The following NUAK1 variants were observed in gnomAD, a reference collection of about 807,000 sequenced individuals.
NUAK1 encodes NUAK family SNF1-like kinase 1.
A neutral mutation model predicts 56.9 loss-of-function variants in NUAK1; 26 were observed. The ratio of observed to expected loss-of-function variants is 0.46; its 90% CI spans 0.33 to 0.63. NUAK1 has a LOEUF of 0.63. NUAK1 is among the 30% of genes least tolerant of loss of function. The pLI, the probability that NUAK1 is intolerant of heterozygous loss-of-function variation, is 0.02. For missense variants in NUAK1, 727 were observed against 876.1 expected (o/e 0.83, Z 2.15); for synonymous variants, 337 against 336.0 (o/e 1.00, Z -0.03).
At chr12:106,073,705 C>A (rs778301798) in intron 4 of NUAK1, among the ~76,000 whole-genome samples, 7 of 152,034 alleles carry the variant, frequency 4.6e-5, no homozygotes, top group African/African-American at 7.2e-5. Context: ...GTAATCTCAG[C>A]TACTCGGGAG....
intron 6 of NUAK1, among the ~76,000 whole-genome samples, chr12:106,068,605 T>A (rs1160222293): frequency 6.6e-6 from 1 of 152,238 alleles, no homozygotes; most frequent in African/African-American, 2.4e-5. Context: ...TCTACTGAGC[T>A]ATCAGATCAG....
rs536423988 is a variant in NUAK1 at position 106,066,947 on chromosome 12, T to C, written c.1841A>G (p.Glu614Gly). Residue 614 changes from glutamate (E) to glycine (G), a missense_variant, in exon 7 of 7, where the codon GAG becomes GGG. Coordinates refer to ENST00000261402, the MANE Select transcript of NUAK1 (RefSeq NM_014840.3). ...AENFLQIQDFEGLQNRPRPQY... is the reference protein window; with the variant it reads ...AENFLQIQDFGGLQNRPRPQY... ...GGGCCGGGGCCGGTTCTGGAGCCCC[T>C]CAAAGTCCTGGATCTGGAGGAAGTT... 6.2e-7 allele frequency: 1 copy of C among 1,614,158 alleles called. No individual in the cohort carries two copies. The highest frequency in any genetic ancestry group is 8.5e-7 in the Non-Finnish European group (1 of 1,180,022).
At chr12:106,114,860 TG>T (rs2032900528) in intron 1 of NUAK1, among the ~76,000 whole-genome samples, 1 of 152,142 alleles carries the variant, frequency 6.6e-6, no homozygotes, top group African/African-American at 2.4e-5. Context: ...TAAACCGAGA[TG>T]GGAGTGGCAG....
chr12:106,071,838 T>C (rs1413469803), intron 5 of NUAK1, among the ~76,000 whole-genome samples: 3 of 152,164 alleles, frequency 2.0e-5, no homozygotes, highest in African/African-American at 7.2e-5. Flanking sequence ...TAATAGATGG[T>C]CTTGGCATCC....
chr12:106,122,218 G>A (rs1021673246), intron 1 of NUAK1, among the ~76,000 whole-genome samples: 1 of 152,148 alleles, frequency 6.6e-6, no homozygotes, highest in Non-Finnish European at 1.5e-5. Context: ...CATTTCATAA[G>A]TATACTGGAA....
chr12:106,110,785 C>A lies in NUAK1; in HGVS notation c.241-4260G>T, dbSNP rs896343341. ...GCCACCTTATGGTTTAATGTTTAAA[C>A]CTTCTGCAGCAGCAGGTTTGGTGGA... is the stretch of plus-strand genomic sequence containing the variant. On this transcript the variant is annotated intron_variant, in intron 1 of 6. Transcript: ENST00000261402. 3.7e-4 allele frequency among the ~76,000 whole-genome samples: 56 copies of A among 152,228 alleles called. 1 individual carries two copies. Among genetic ancestry groups the A allele is most frequent in the Non-Finnish European group, 1.8e-4 (12 of 68,038 alleles).
At chr12:106,100,447 G>T (rs867353523) in intron 2 of NUAK1, among the ~76,000 whole-genome samples, 1 of 152,076 alleles carries the variant, frequency 6.6e-6, no homozygotes, top group African/African-American at 2.4e-5. Flanking sequence ...TTTAGTCTCC[G>T]CTTCATTCAG....
Position 106,106,434 on chromosome 12 carries a change from T to C in NUAK1, c.332A>G (p.Asn111Ser), listed in dbSNP as rs1218595937. The part of the protein sequence containing the change: ...RREIEIMSSL[N>S]HPHIISIYEV... ...ATAAATACTGATGATATGAGGATGG[T>C]TGAGAGATGACATGATCTCAATCTC... Residue 111 changes from asparagine (N) to serine (S), a missense_variant, in exon 2 of 7, where the codon AAC (asparagine) becomes AGC (serine). Physicochemically the swap from Asn to Ser is conservative, Grantham distance 46. Coordinates refer to ENST00000261402, the MANE Select transcript of NUAK1 (RefSeq NM_014840.3). The C allele has an allele frequency of 2.5e-6, 4 of 1,612,680 alleles. No individual in the cohort carries two copies. The highest frequency in any genetic ancestry group is 3.4e-6 in the Non-Finnish European group (4 of 1,179,610).
In NUAK1 at chr12:106,065,215, C is replaced by T. The variant is rs1446971719; in HGVS notation, c.*1587G>A. 1 of 152,248 alleles carries T rather than the reference C, an allele frequency of 6.6e-6. No homozygotes were observed. The highest frequency in any genetic ancestry group is 2.4e-5 in the African/African-American group (1 of 41,452). 9.4% of individuals were successfully genotyped at this position (152,248 alleles called of 1,614,324 possible). A position where few individuals can be genotyped will look rare whatever the true frequency, so the allele number is the denominator to read the frequency against. ...ATCCCAGAGACCAGGAAGTACAAAC[C>T]TAGTATCATGAAGGTGTCCCATGGT... is the stretch of plus-strand genomic sequence containing the variant. On this transcript the variant is annotated 3_prime_UTR_variant, in exon 7 of 7. Transcript: ENST00000261402.
intron 2 of NUAK1, among the ~76,000 whole-genome samples, chr12:106,095,273 T>G (rs1418337586): frequency 6.6e-6 from 1 of 152,216 alleles, no homozygotes; most frequent in Non-Finnish European, 1.5e-5. Context: ...GTTCTTGTAC[T>G]TGATGCCGTG....
rs765123265 is a variant in NUAK1, at chr12:106,138,619, C to T, written c.35G>A (p.Arg12His). ...EGAAAPVAGD[R>H]PDLGLGAPGS... ...CGGCGCCCCCAGCCCCAAGTCGGGG[C>T]GGTCCCCCGCCACAGGCGCGGCGGC... Residue 12 changes from arginine (R) to histidine (H), a missense_variant, in exon 1 of 7, where the codon CGC (arginine) becomes CAC (histidine). By Grantham distance (29) the Arg-to-His change is conservative. Transcript: ENST00000261402. This position sits in a 1 kb window ranked among gnomAD's most constrained non-coding sequence, Gnocchi z 5.0. 8 of 1,515,324 alleles carry T rather than the reference C, an allele frequency of 5.3e-6. No homozygotes were observed. Among genetic ancestry groups the T allele is most frequent in the Non-Finnish European group, 7.0e-6 (8 of 1,137,664 alleles). The allele number at this position is 1,515,324 out of a possible 1,614,324, so 93.9% of individuals were successfully genotyped here.
At chr12:106,087,318 C>T (rs2032583158) in intron 2 of NUAK1, among the ~76,000 whole-genome samples, 1 of 152,198 alleles carries the variant, frequency 6.6e-6, no homozygotes. Context: ...TCAATCTTGT[C>T]ATCTCTTTAT....
rs75730088 is a variant in NUAK1 at position 106,107,331 on chromosome 12, T to C, written c.241-806A>G. ...ACAATAGGAACCTAATAAGGAAAAG[T>C]GTGTTCGCCAATGGATTCATCTTTG... On this transcript the variant is annotated intron_variant, in intron 1 of 6. Coordinates refer to ENST00000261402, the MANE Select transcript of NUAK1 (RefSeq NM_014840.3). 3.3e-3 allele frequency among the ~76,000 whole-genome samples: 495 copies of C among 150,428 alleles called. 11 individuals are homozygous for C. The East Asian group carries it at 0.034, about 10-fold the overall frequency.
At chr12:106,096,415 C>T (rs977554489) in intron 2 of NUAK1, among the ~76,000 whole-genome samples, 1 of 152,126 alleles carries the variant, frequency 6.6e-6, no homozygotes. Context: ...TGGACAGGCT[C>T]ACAGCTGAAG....
In NUAK1 at chr12:106,124,996, CAATAAATA is replaced by C. The variant is rs55900706; in HGVS notation, c.240+13410_240+13417del. On this transcript the variant is annotated intron_variant, in intron 1 of 6. Coordinates refer to ENST00000261402, the MANE Select transcript of NUAK1 (RefSeq NM_014840.3). Reference sequence around the variant, plus strand: ...TGGGCGACAGAGCCAGACTCCATCTCAATAAATAAATAAATAAATAAATAAATAAATAA... The same window carrying C: ...TGGGCGACAGAGCCAGACTCCATCTCAATAAATAAATAAATAAATAAATAA... 4.2e-3 allele frequency among the ~76,000 whole-genome samples: 624 copies of C among 147,088 alleles called. 3 individuals carry two copies. Among genetic ancestry groups the C allele is most frequent in the African/African-American group, 0.012 (452 of 39,086 alleles).
In NUAK1 at chr12:106,128,128, C is replaced by CTTTTTT. The variant is rs199595148; in HGVS notation, c.240+10285_240+10286insAAAAAA. Among the ~76,000 whole-genome samples the CTTTTTT allele has an allele frequency of 1.9e-4, 26 of 136,210 alleles. 4 individuals carry two copies. The highest frequency in any genetic ancestry group is 3.4e-4 in the African/African-American group (12 of 35,376). 89.4% of individuals were successfully genotyped at this position (136,210 alleles called of 152,430 possible). ...AGCCTAGCTCCAAATTCTCTCTTTT[C>CTTTTTT]TTTTTCTTTTTTTTTTTTTTTGACA... is the stretch of plus-strand genomic sequence containing the variant. On this transcript the variant is annotated intron_variant, in intron 1 of 6. Transcript: ENST00000261402.
intron 1 of NUAK1, among the ~76,000 whole-genome samples, chr12:106,122,740 T>C (rs1260828289): frequency 6.6e-6 from 1 of 152,206 alleles, no homozygotes; most frequent in African/African-American, 2.4e-5. Context: ...CTTGAGTTGC[T>C]TGGTTAAAAT....
intron 2 of NUAK1, among the ~76,000 whole-genome samples, chr12:106,105,173 G>A (rs980441722): frequency 6.6e-6 from 1 of 151,932 alleles, no homozygotes; most frequent in Non-Finnish European, 1.5e-5. Context: ...GGCTGGTCTC[G>A]AACTCCTGAC....
chr12:106,085,878 TA>T (rs35125071), intron 3 of NUAK1, among the ~76,000 whole-genome samples: 1 of 151,886 alleles, frequency 6.6e-6, no homozygotes, highest in Admixed American at 6.6e-5. Flanking sequence ...GGCTACTTTT[TA>T]AAAAAAATTT....
Sources: allele counts gnomAD v4.1 joint callset (sites outside exome capture counted in the v4.1 genomes callset), GRCh38; gene constraint gnomAD v4.1.1; non-coding constraint Gnocchi (gnomAD v3.1); transcripts MANE v1.5; gene names NCBI Gene and HGNC (gene_info 2026-07-23, HGNC 2026-07-21).